Variants in LRRTM4 observed in about 807,000 individuals in gnomAD.
LRRTM4 encodes leucine rich repeat transmembrane neuronal 4, also known as leucine-rich repeat transmembrane neuronal protein 4.
A neutral mutation model predicts 47.6 loss-of-function variants in LRRTM4; 25 were observed. The observed-to-expected ratio is 0.53, with a 90% CI of 0.38 to 0.73. LRRTM4 has a LOEUF of 0.73. Ranked by LOEUF, LRRTM4 falls within the 30% of genes least tolerant of loss-of-function variation. LRRTM4 has a pLI of 0.00. For missense variants in LRRTM4, 638 were observed against 713.4 expected, an observed-to-expected ratio of 0.89 and a Z score of 1.20; for synonymous variants, 311 against 269.5, an observed-to-expected ratio of 1.15 and a Z score of -1.51.
chr2:77,296,412 C>T (rs999119877), intron 3 of LRRTM4, among the ~76,000 whole-genome samples: 73 of 152,190 alleles, frequency 4.8e-4, no homozygotes, highest in African/African-American at 1.6e-3. Context: ...GTAACAGTAT[C>T]ATTACCTTCT....
At chr2:77,500,118 G>T (rs1292787596) in intron 3 of LRRTM4, among the ~76,000 whole-genome samples, 1 of 151,702 alleles carries the variant, frequency 6.6e-6, no homozygotes, top group Non-Finnish European at 1.5e-5. Context: ...CTGCAGAAGA[G>T]TCTTCCTATC....
intron 3 of LRRTM4, among the ~76,000 whole-genome samples, chr2:77,234,593 T>C (rs552671803): frequency 1.7e-4 from 26 of 152,298 alleles, no homozygotes; most frequent in African/African-American, 6.3e-4. Context: ...ATTTATAGGA[T>C]CATTTGGAAT....
intron 3 of LRRTM4, among the ~76,000 whole-genome samples, chr2:77,417,208 G>C (rs1300663863): frequency 1.3e-5 from 2 of 152,158 alleles, no homozygotes; most frequent in Non-Finnish European, 2.9e-5. Context: ...TCTCACACCA[G>C]TTAGAATGGC....
At chr2:77,375,669 T>C (rs1212786049) in intron 3 of LRRTM4, among the ~76,000 whole-genome samples, 2 of 151,794 alleles carry the variant, frequency 1.3e-5, no homozygotes, top group Non-Finnish European at 2.9e-5. Flanking sequence ...AGAAAACTCA[T>C]ATAAGTGGAA....
intron 3 of LRRTM4, among the ~76,000 whole-genome samples, chr2:76,869,746 A>G (rs1672570400): frequency 6.6e-6 from 1 of 152,186 alleles, no homozygotes; most frequent in Non-Finnish European, 1.5e-5. Context: ...AGTTTGTATT[A>G]TAAGATTTTA....
rs148323737 is a variant in LRRTM4, at chr2:77,508,400, G to A, written c.1551+9918C>T. Among the ~76,000 whole-genome samples, 218 of 152,260 alleles carry A rather than the reference G, an allele frequency of 1.4e-3. 2 individuals carry two copies. The East Asian group carries it at 0.034, about 23-fold the overall frequency. On this transcript the variant is annotated intron_variant, in intron 3 of 3. Coordinates refer to ENST00000409884, the MANE Select transcript of LRRTM4 (RefSeq NM_001134745.3). ...TTTTAGCTCAGATCCATCTCACAGT[G>A]AGAATCCAAGCCGTGTTATTTCCCT...
At chr2:77,227,059 T>C (rs890038789) in intron 3 of LRRTM4, among the ~76,000 whole-genome samples, 1 of 152,018 alleles carries the variant, frequency 6.6e-6, no homozygotes, top group Non-Finnish European at 1.5e-5. Context: ...CAAGCTAAGA[T>C]TGGGTTAATA....
At chr2:76,851,908 A>C (rs1672009044) in intron 3 of LRRTM4, among the ~76,000 whole-genome samples, 2 of 152,064 alleles carry the variant, frequency 1.3e-5, no homozygotes, top group African/African-American at 4.8e-5. Context: ...ATCACACAGG[A>C]AACACTTACG....
intron 3 of LRRTM4, among the ~76,000 whole-genome samples, chr2:77,375,573 C>T (rs1174292912): frequency 1.3e-5 from 2 of 151,716 alleles, no homozygotes; most frequent in Non-Finnish European, 3.0e-5. Flanking sequence ...AAAATATACA[C>T]CTGAATAACA....
intron 3 of LRRTM4, among the ~76,000 whole-genome samples, chr2:77,337,632 AC>A (rs1671215357): frequency 6.6e-6 from 1 of 152,022 alleles, no homozygotes. Flanking sequence ...TGAAGAAGGT[AC>A]TTGCTTCTCC....
chr2:76,915,131 A>G (rs956637448), intron 3 of LRRTM4, among the ~76,000 whole-genome samples: 1 of 152,210 alleles, frequency 6.6e-6, no homozygotes, highest in Non-Finnish European at 1.5e-5. Context: ...ATGCAAGAAA[A>G]TATTTGCTTT....
chr2:76,964,738 T>A (rs1675967811), intron 3 of LRRTM4, among the ~76,000 whole-genome samples: 1 of 148,082 alleles, frequency 6.8e-6, no homozygotes, highest in African/African-American at 2.5e-5. Flanking sequence ...CAATTAAAAC[T>A]GGAAAAGAAA....
At chr2:76,942,885 G>A (rs952463434) in intron 3 of LRRTM4, among the ~76,000 whole-genome samples, 1 of 152,036 alleles carries the variant, frequency 6.6e-6, no homozygotes, top group African/African-American at 2.4e-5. Context: ...TGTAAAGGTA[G>A]GTAATTGATA....
At chr2:77,430,567 C>T (rs1675329227) in intron 3 of LRRTM4, among the ~76,000 whole-genome samples, 1 of 148,552 alleles carries the variant, frequency 6.7e-6, no homozygotes, top group South Asian at 2.1e-4. Context: ...ACTAAAAATA[C>T]AAAATTAGAC....
chr2:76,767,535 C>G (rs1345131143), intron 3 of LRRTM4, among the ~76,000 whole-genome samples: 2 of 151,126 alleles, frequency 1.3e-5, no homozygotes, highest in African/African-American at 4.9e-5. Context: ...CGTGTAGATA[C>G]TCTGCCTTCA....
chr2:77,113,013 T>C (rs1318671746), intron 3 of LRRTM4, among the ~76,000 whole-genome samples: 5 of 152,260 alleles, frequency 3.3e-5, no homozygotes, highest in African/African-American at 1.2e-4. Flanking sequence ...GTATAATTCA[T>C]TGTGACCTTG....
intron 3 of LRRTM4, among the ~76,000 whole-genome samples, chr2:77,348,527 A>T (rs1184674004): frequency 6.7e-6 from 1 of 150,338 alleles, no homozygotes; most frequent in Non-Finnish European, 1.5e-5. Flanking sequence ...GATAAAAAAT[A>T]ATTGTCAAGT....
intron 3 of LRRTM4, among the ~76,000 whole-genome samples, chr2:77,418,891 A>C (rs1354590): frequency 0.044 from 6,723 of 152,206 alleles, 493 homozygotes; most frequent in African/African-American, 0.15. Flanking sequence ...TAGCATTTAC[A>C]GGCTTCCACT....
intron 3 of LRRTM4, among the ~76,000 whole-genome samples, chr2:77,031,871 T>G (rs1484427718): frequency 2.6e-5 from 4 of 152,122 alleles, no homozygotes; most frequent in Non-Finnish European, 4.4e-5. Context: ...TTCCTGAATG[T>G]CTATCTTCTC....
Sources: gnomAD v4.1 joint callset for allele counts (sites outside exome capture counted in the v4.1 genomes callset) on GRCh38, gnomAD v4.1.1 for gene constraint, MANE v1.5 for transcripts, NCBI Gene and HGNC (gene_info 2026-07-23, HGNC 2026-07-21) for gene names.